CCDC112: variants seen among roughly 807,000 people sequenced by gnomAD.
CCDC112 encodes the protein coiled-coil domain-containing protein 112.
Under a neutral mutation model 66.3 loss-of-function variants are expected in CCDC112, and 40 were observed. That is an observed-to-expected ratio of 0.60 (90% CI 0.47 to 0.79). The LOEUF (loss-of-function observed/expected upper bound fraction) is 0.79. Ranked by LOEUF, CCDC112 falls within the 30% of genes least tolerant of loss-of-function variation. The probability of loss-of-function intolerance (pLI) is 0.00; values close to 1 mark genes in which losing one functional copy is unlikely to be tolerated. For missense variants in CCDC112, 659 were observed against 603.8 expected, an observed-to-expected ratio of 1.09 and a Z score of -0.96; for synonymous variants, 214 against 197.2, an observed-to-expected ratio of 1.09 and a Z score of -0.71.
At chr5:115,279,326 C>T (rs908531324) in intron 3 of CCDC112, among the ~76,000 whole-genome samples, 1 of 151,842 alleles carries the variant, frequency 6.6e-6, no homozygotes, top group Admixed American at 6.6e-5. Context: ...AGAAATCACT[C>T]TGCTTTTAAG....
chr5:115,284,964 G>A, intron 1 of CCDC112, 56 bp from the exon 2 acceptor site: 2 of 1,519,972 alleles, frequency 1.3e-6, no homozygotes, highest in Non-Finnish European at 1.8e-6. Context: ...ACATAAATGT[G>A]GAATTTTTTC....
At chr5:115,288,993 C>CTT in intron 1 of CCDC112, 77 of 250,894 alleles carry the variant, frequency 3.1e-4, no homozygotes, top group South Asian at 5.7e-4. Flanking sequence ...GATTGGCTTC[C>CTT]TTTTTTTTTT....
At position 115,287,773 on chromosome 5, in the gene CCDC112, A is replaced by G. The variant is rs185627225; in HGVS notation, c.118-2865T>C. ...TGCCCAGGTTGGACTCCTGGGCTCA[A>G]ATGATCCTCTCATCTCAGCCTCCTG... is the stretch of plus-strand genomic sequence containing the variant. On this transcript the variant is annotated intron_variant, in intron 1 of 9. Coordinates refer to ENST00000379611, the MANE Select transcript of CCDC112 (RefSeq NM_001040440.3). 6.7e-5 allele frequency among the ~76,000 whole-genome samples: 10 copies of G among 149,790 alleles called. No homozygotes were observed. The East Asian group carries it at 2.0e-3, about 29-fold the overall frequency.
intron 1 of CCDC112, among the ~76,000 whole-genome samples, chr5:115,289,497 C>T (rs1264688564): frequency 6.6e-6 from 1 of 152,192 alleles, no homozygotes; most frequent in Non-Finnish European, 1.5e-5. Flanking sequence ...TCCTACTTTA[C>T]AGAACCCACT....
intron 1 of CCDC112, chr5:115,289,182 C>T (rs1749813618): frequency 1.0e-5 from 2 of 197,336 alleles, no homozygotes; most frequent in Non-Finnish European, 2.1e-5. Context: ...TCGGTTTGCA[C>T]TTTGTGTCTG....
Position 115,269,818 on chromosome 5 carries a change from AG to A in CCDC112, c.1333-21del, listed in dbSNP as rs1261164594. 3 of 1,438,212 alleles carry A rather than the reference AG, an allele frequency of 2.1e-6. No individual in the cohort carries two copies. The highest frequency in any genetic ancestry group is 2.8e-6 in the Non-Finnish European group (3 of 1,065,810). The allele number at this position is 1,438,212 out of a possible 1,614,324, so 89.1% of individuals were successfully genotyped here. A position where few individuals can be genotyped will look rare whatever the true frequency, so the allele number is the denominator to read the frequency against. On this transcript the variant is annotated intron_variant, in intron 7 of 9. Coordinates refer to ENST00000379611, the MANE Select transcript of CCDC112 (RefSeq NM_001040440.3). ...TAAATCCTTAAAAAAAAAAACCCAT[AG>A]CATTAAGAAAGCATGTGAACTAGAA...
intron 1 of CCDC112, among the ~76,000 whole-genome samples, chr5:115,286,395 A>C (rs572133920): frequency 6.6e-6 from 1 of 152,346 alleles, no homozygotes; most frequent in African/African-American, 2.4e-5. Flanking sequence ...CTTACAGCTG[A>C]ATAATACTCC....
chr5:115,269,635 G>T, intron 8 of CCDC112, 68 bp downstream of exon 8: 2 of 1,048,222 alleles, frequency 1.9e-6, no homozygotes, highest in Non-Finnish European at 2.8e-6. Flanking sequence ...AAATAGATTT[G>T]ATGTCAGTAT....
At position 115,271,102 on chromosome 5, in the gene CCDC112, A is replaced by G. The variant is rs185135622; in HGVS notation, c.1332+111T>C. 168 of 936,580 alleles carry G rather than the reference A, an allele frequency of 1.8e-4. No individual in the cohort carries two copies. In the African/African-American group the frequency reaches 2.5e-3, roughly 14 times the overall value. 58.0% of individuals were successfully genotyped at this position (936,580 alleles called of 1,614,324 possible). A position where few individuals can be genotyped will look rare whatever the true frequency, so the allele number is the denominator to read the frequency against. ...ACGGCTTACTCATTTTGGTATACTA[A>G]TGCTATACACAGGTCCAATATACAA... On this transcript the variant is annotated intron_variant, in intron 7 of 9. Coordinates refer to ENST00000379611, the MANE Select transcript of CCDC112 (RefSeq NM_001040440.3).
chr5:115,271,927 T>A (rs1749018913), intron 6 of CCDC112, among the ~76,000 whole-genome samples: 1 of 150,536 alleles, frequency 6.6e-6, no homozygotes, highest in Admixed American at 6.6e-5. Flanking sequence ...TGCTTCTTTT[T>A]TTTTTTTTTT....
intron 9 of CCDC112, among the ~76,000 whole-genome samples, chr5:115,268,577 T>C (rs1006897371): frequency 6.6e-6 from 1 of 151,008 alleles, no homozygotes; most frequent in African/African-American, 2.4e-5. Context: ...GACCTACTTT[T>C]ACTTTTATCT....
At chr5:115,291,072 C>G (rs939811886) in intron 1 of CCDC112, among the ~76,000 whole-genome samples, 2 of 152,046 alleles carry the variant, frequency 1.3e-5, no homozygotes, top group Non-Finnish European at 2.9e-5. Context: ...CATACGGAAA[C>G]AGCTTTCCAT....
chr5:115,278,862 T>C (rs973376115), intron 3 of CCDC112, among the ~76,000 whole-genome samples: 5 of 152,318 alleles, frequency 3.3e-5, no homozygotes, highest in Admixed American at 3.3e-4. Flanking sequence ...AGCAGTCTCA[T>C]CTCTACATAG....
intron 1 of CCDC112, 72 bp downstream of exon 1, chr5:115,296,355 G>A (rs994187476): frequency 6.8e-7 from 1 of 1,477,118 alleles, no homozygotes; most frequent in Non-Finnish European, 8.9e-7. Context: ...GCGCTGCAGA[G>A]GGCACCTGTT....
intron 2 of CCDC112, among the ~76,000 whole-genome samples, chr5:115,284,458 A>G (rs935526139): frequency 2.0e-5 from 3 of 152,218 alleles, no homozygotes; most frequent in African/African-American, 7.2e-5. Flanking sequence ...AAAAACATTT[A>G]CCAGGCATTT....
Position 115,275,755 on chromosome 5 carries a change from C to T in CCDC112, c.528-149G>A, listed in dbSNP as rs985718379. On this transcript the variant is annotated intron_variant, in intron 5 of 9. Transcript: ENST00000379611. ...AATTTAAGCCTTAAAAGAGTCTCCT[C>T]AGAGATAAAAACAATCTTTCAAATT... 1.3e-5 allele frequency: 9 copies of T among 702,290 alleles called. 1 individual carries two copies. The Admixed American group carries it at 2.5e-4, about 19-fold the overall frequency. 43.5% of individuals were successfully genotyped at this position (702,290 alleles called of 1,614,324 possible). A position where few individuals can be genotyped will look rare whatever the true frequency, so the allele number is the denominator to read the frequency against.
chr5:115,296,485 A>G lies in CCDC112; in HGVS notation c.59T>C (p.Val20Ala). 6.4e-7 allele frequency: 1 copy of G among 1,565,518 alleles called. No homozygotes were observed. The highest frequency in any genetic ancestry group is 8.6e-7 in the Non-Finnish European group (1 of 1,162,418). Residue 20 changes from valine (V) to alanine (A), a missense_variant, in exon 1 of 10, where the codon GTG becomes GCG. Val to Ala is a moderately conservative substitution (Grantham distance 64). Coordinates refer to ENST00000379611, the MANE Select transcript of CCDC112 (RefSeq NM_001040440.3). ...AAAATAVAGA[V>A]AGAGAATGTG... Reference sequence around the variant, plus strand: ...CCCGGTGGCCGCGCCCGCCCCTGCCACAGCCCCGGCTACCGCGGTGGCCGC... The same window carrying G: ...CCCGGTGGCCGCGCCCGCCCCTGCCGCAGCCCCGGCTACCGCGGTGGCCGC...
chr5:115,268,663 T>C (rs2127047372), intron 9 of CCDC112, among the ~76,000 whole-genome samples: 1 of 147,890 alleles, frequency 6.8e-6, no homozygotes, highest in Non-Finnish European at 1.5e-5. Flanking sequence ...TGAAAAAATA[T>C]GTATATTTAT....
In CCDC112 at chr5:115,269,808, A is replaced by G. The variant is rs1748924973; in HGVS notation, c.1333-10T>C. The G allele has an allele frequency of 6.6e-7, 1 of 1,509,302 alleles. No individual in the cohort carries two copies. The highest frequency in any genetic ancestry group is 2.3e-5 in the Admixed American group (1 of 43,916). The allele number at this position is 1,509,302 out of a possible 1,614,324, so 93.5% of individuals were successfully genotyped here. A position where few individuals can be genotyped will look rare whatever the true frequency, so the allele number is the denominator to read the frequency against. ...CAAGTTTATGTAAATCCTTAAAAAA[A>G]AAAACCCATAGCATTAAGAAAGCAT... On this transcript the variant is annotated splice_polypyrimidine_tract_variant and intron_variant, in intron 7 of 9. Transcript: ENST00000379611.
Sources: gnomAD v4.1 joint callset for allele counts (sites outside exome capture counted in the v4.1 genomes callset) on GRCh38, gnomAD v4.1.1 for gene constraint, MANE v1.5 for transcripts, NCBI Gene and HGNC (gene_info 2026-07-23, HGNC 2026-07-21) for gene names.